FCN3: variants seen among roughly 807,000 people sequenced by gnomAD.
FCN3 encodes the protein ficolin-3.
FCN3 carries 28 observed loss-of-function variants against 31.5 expected under a neutral mutation model. That is an observed-to-expected ratio of 0.89 (90% CI 0.66 to 1.22). The LOEUF is 1.22. FCN3 is among the 50% of genes most tolerant of loss of function. The pLI, the probability that FCN3 is intolerant of heterozygous loss-of-function variation, is 0.00. For missense variants in FCN3, 351 were observed against 386.8 expected (o/e 0.91, Z 0.78); for synonymous variants, 124 against 147.4 (o/e 0.84, Z 1.15).
chr1:27,373,045 C>G, intron 5 of FCN3, 91 bp downstream of exon 5: 1 of 1,459,214 alleles, frequency 6.9e-7, no homozygotes, highest in Non-Finnish European at 9.3e-7. Flanking sequence ...CTAGGAAATG[C>G]CTTGCTCTGG....
At position 27,374,419 on chromosome 1, in the gene FCN3, G is replaced by A. The variant is rs867310714; in HGVS notation, c.124C>T (p.Leu42Phe). 4 of 1,613,858 alleles carry A rather than the reference G, an allele frequency of 2.5e-6. No individual in the cohort carries two copies. Among genetic ancestry groups the A allele is most frequent in the Non-Finnish European group, 2.5e-6 (3 of 1,179,884 alleles). ...GGAGCTCCGGGACAACTGGGCAGGAGGACAACTTTGCTGGCTTCCAGTTCC... is the reference window on the plus strand; with the variant it reads ...GGAGCTCCGGGACAACTGGGCAGGAAGACAACTTTGCTGGCTTCCAGTTCC... ...PRELEASKVV[L>F]LPSCPGAPGS... Residue 42 changes from leucine to phenylalanine, a missense_variant, in exon 2 of 8, where the codon CTC (leucine) becomes TTC (phenylalanine). Coordinates refer to ENST00000270879, the MANE Select transcript of FCN3 (RefSeq NM_003665.4).
chr1:27,371,580 C>T (rs1406354517), intron 5 of FCN3, among the ~76,000 whole-genome samples: 1 of 151,882 alleles, frequency 6.6e-6, no homozygotes, highest in African/African-American at 2.4e-5. Context: ...CGTCTCAAAA[C>T]AAACAAACAA....
At chr1:27,374,195 T>C (rs2016204729) in intron 2 of FCN3, 161 bp downstream of exon 2, 3 of 708,022 alleles carry the variant, frequency 4.2e-6, no homozygotes, top group Admixed American at 5.3e-5. Flanking sequence ...TGAAACCACT[T>C]ACCTGGCAGA....
At position 27,373,228 on chromosome 1, in the gene FCN3, C is replaced by A; in HGVS notation, c.301G>T (p.Ala101Ser). Reference protein sequence around the residue: ...RNCRELLSQGATLSGWYHLCL... With the variant: ...RNCRELLSQGSTLSGWYHLCL... ...AGATGGTACCAGCCGCTCAAGGTGG[C>A]GCCCTGGCTCAACAGCTCCCGGCAG... Residue 101 changes from alanine to serine, a missense_variant, in exon 5 of 8, where the codon GCC (alanine) becomes TCC (serine). By Grantham distance (99) the Ala-to-Ser change is moderately conservative. Coordinates refer to ENST00000270879, the MANE Select transcript of FCN3 (RefSeq NM_003665.4). 1 of 1,614,114 alleles carries A rather than the reference C, an allele frequency of 6.2e-7. No homozygotes were observed. The highest frequency in any genetic ancestry group is 1.7e-4 in the Middle Eastern group (1 of 6,060).
intron 7 of FCN3, chr1:27,370,354 G>T: frequency 1.9e-6 from 1 of 520,144 alleles, no homozygotes; most frequent in Non-Finnish European, 3.4e-6. Context: ...CAGTGGAGGG[G>T]TAGGACTTGC....
chr1:27,374,786 C>A lies in FCN3; in HGVS notation c.33G>T (p.Trp11Cys). 1 of 1,388,546 alleles carries A rather than the reference C, an allele frequency of 7.2e-7. No individual in the cohort carries two copies. Among genetic ancestry groups the A allele is most frequent in the Non-Finnish European group, 9.4e-7 (1 of 1,065,928 alleles). 86.0% of individuals were successfully genotyped at this position (1,388,546 alleles called of 1,614,324 possible). MDLLWILPSL[W>C]LLLLGGPACL... ...AGGCAGGCCCCCCAAGCAGGAGAAG[C>A]CACAGGGAGGGCAGGATCCACAGTA... The change falls in exon 1 of 8, where the codon TGG becomes TGT. Residue 11 changes from tryptophan to cysteine, a missense_variant. By Grantham distance (215) the Trp-to-Cys change is radical (BLOSUM62 -2). Coordinates refer to ENST00000270879, the MANE Select transcript of FCN3 (RefSeq NM_003665.4).
At chr1:27,371,093 A>G (rs914822319) in intron 5 of FCN3, 121 bp from the exon 6 acceptor site, 8 of 964,768 alleles carry the variant, frequency 8.3e-6, no homozygotes, top group Admixed American at 4.7e-5. Context: ...TGTTGATAAA[A>G]TGGGGATCCT....
At chr1:27,373,810 A>G (rs2016196689) in intron 3 of FCN3, 155 bp downstream of exon 3, 1 of 733,820 alleles carries the variant, frequency 1.4e-6, no homozygotes, top group South Asian at 1.7e-5. Flanking sequence ...ATCATAGGGT[A>G]GCCAGGCCCT....
At chr1:27,371,456 G>A (rs2016144726) in intron 5 of FCN3, among the ~76,000 whole-genome samples, 1 of 152,046 alleles carries the variant, frequency 6.6e-6, no homozygotes, top group African/African-American at 2.4e-5. Flanking sequence ...CACACCTGTA[G>A]TTCCAGCTAC....
chr1:27,370,829 T>C lies in FCN3; in HGVS notation c.523+14A>G, dbSNP rs1381381770. 2 of 1,613,628 alleles carry C rather than the reference T, an allele frequency of 1.2e-6. No individual in the cohort carries two copies. The highest frequency in any genetic ancestry group is 3.3e-5 in the Admixed American group (2 of 59,988). ...CAGTAACCCCCAGACTCCAGGACCC[T>C]GCTGGGAACTCACCCTGGAGAGTAA... On this transcript the variant is annotated intron_variant, in intron 6 of 7. Coordinates refer to ENST00000270879, the MANE Select transcript of FCN3 (RefSeq NM_003665.4).
chr1:27,373,330 G>T, intron 4 of FCN3, 67 bp from the exon 5 acceptor site: 1 of 1,608,290 alleles, frequency 6.2e-7, no homozygotes, highest in East Asian at 2.2e-5. Flanking sequence ...CCAGGCACTG[G>T]AACAAGTGTG....
chr1:27,370,508 C>T (rs1378619075), intron 7 of FCN3, 88 bp downstream of exon 7: 5 of 1,143,844 alleles, frequency 4.4e-6, no homozygotes, highest in Non-Finnish European at 6.4e-6. Context: ...ACAGAGGAGA[C>T]AGGATTGCCC....
Position 27,374,715 on chromosome 1 carries a change from C to G in FCN3, c.91+13G>C. 2.8e-6 allele frequency: 4 copies of G among 1,407,984 alleles called. No homozygotes were observed. The highest frequency in any genetic ancestry group is 3.7e-6 in the Non-Finnish European group (4 of 1,075,450). The allele number at this position is 1,407,984 out of a possible 1,614,324, so 87.2% of individuals were successfully genotyped here. On this transcript the variant is annotated intron_variant, in intron 1 of 7. Transcript: ENST00000270879. ...AGGAGTGGGTTGGTGAGGAGGGCAC[C>G]CTAGGTGCCCACCTGGGCAGCTGGG...
intron 5 of FCN3, 138 bp downstream of exon 5, chr1:27,372,998 C>T: frequency 1.9e-6 from 2 of 1,064,224 alleles, no homozygotes; most frequent in Middle Eastern, 2.8e-4. Flanking sequence ...CTTCAGGTCC[C>T]ATTGGGGGCT....
chr1:27,371,741 T>C (rs1347026658), intron 5 of FCN3, among the ~76,000 whole-genome samples: 1 of 152,136 alleles, frequency 6.6e-6, no homozygotes, highest in Admixed American at 6.6e-5. Context: ...TCTATTTCCA[T>C]TGCTCCACTG....
intron 3 of FCN3, 86 bp downstream of exon 3, chr1:27,373,879 G>A: frequency 8.4e-7 from 1 of 1,192,126 alleles, no homozygotes; most frequent in South Asian, 1.3e-5. Flanking sequence ...AGCCATCATA[G>A]GCACAGCAGC....
At chr1:27,373,808 G>T (rs1486799580) in intron 3 of FCN3, 157 bp downstream of exon 3, 4 of 730,346 alleles carry the variant, frequency 5.5e-6, no homozygotes, top group African/African-American at 1.8e-5. Context: ...CCATCATAGG[G>T]TAGCCAGGCC....
intron 2 of FCN3, 105 bp from the exon 3 acceptor site, chr1:27,374,114 A>G: frequency 9.4e-7 from 1 of 1,061,344 alleles, no homozygotes; most frequent in South Asian, 1.4e-5. Context: ...TTCACCCTTC[A>G]CTCACTTTGT....
chr1:27,371,906 C>T (rs1289376205), intron 5 of FCN3, among the ~76,000 whole-genome samples: 1 of 152,066 alleles, frequency 6.6e-6, no homozygotes, highest in African/African-American at 2.4e-5. Flanking sequence ...ATTACAGGCA[C>T]CTGCCACCAC....
Sources: gnomAD v4.1 joint callset for allele counts (sites outside exome capture counted in the v4.1 genomes callset) on GRCh38, gnomAD v4.1.1 for gene constraint, MANE v1.5 for transcripts, NCBI Gene and HGNC (gene_info 2026-07-23, HGNC 2026-07-21) for gene names.